COL21A1: variants seen among roughly 807,000 people sequenced by gnomAD.
COL21A1 encodes collagen type XXI alpha 1 chain, also known as collagen alpha-1(XXI) chain.
In COL21A1, 149 loss-of-function variants were observed where a neutral mutation model predicts 137.9. The ratio of observed to expected loss-of-function variants is 1.08; its 90% confidence interval spans 0.95 to 1.24. The LOEUF (loss-of-function observed/expected upper bound fraction) is 1.24. Among genes scored for constraint, COL21A1 ranks in the 50% most tolerant of loss-of-function variants. The pLI, the probability that COL21A1 is intolerant of heterozygous loss-of-function variation, is 0.00. For missense variants in COL21A1, 1,167 were observed against 1,158.4 expected (o/e 1.01, Z -0.11); for synonymous variants, 456 against 391.5 (o/e 1.16, Z -1.95).
At chr6:56,087,037 A>ATC (rs1299539604) in intron 17 of COL21A1, among the ~76,000 whole-genome samples, 1 of 151,570 alleles carries the variant, frequency 6.6e-6, no homozygotes, top group African/African-American at 2.4e-5. Flanking sequence ...CACGATCCAT[A>ATC]TCTTGGGACC....
chr6:56,247,190 G>A, intron 1 of COL21A1, among the ~76,000 whole-genome samples, 197 bp downstream of exon 1: 1 of 152,218 alleles, frequency 6.6e-6, no homozygotes, highest in East Asian at 1.9e-4. Context: ...AAGTAACTTT[G>A]CAAGACAAAT....
chr6:56,137,859 G>T (rs1024992097), intron 12 of COL21A1, among the ~76,000 whole-genome samples: 11 of 152,058 alleles, frequency 7.2e-5, no homozygotes, highest in Admixed American at 7.2e-4. Flanking sequence ...AAAGAAAAAA[G>T]GTTGAAAGAT....
intron 1 of COL21A1, among the ~76,000 whole-genome samples, chr6:56,294,506 A>G (rs1424201340): frequency 2.0e-5 from 3 of 152,052 alleles, no homozygotes; most frequent in Non-Finnish European, 4.4e-5. Context: ...ATACACACAT[A>G]TATTTTCACC....
At chr6:56,166,877 C>G (rs765836124) in intron 7 of COL21A1, 29 bp downstream of exon 7, 1 of 1,558,078 alleles carries the variant, frequency 6.4e-7, no homozygotes, top group Admixed American at 1.7e-5. Flanking sequence ...AAAGCAACAT[C>G]TGGGAAAAAA....
chr6:56,302,286 T>C lies in COL21A1; in HGVS notation c.-39+91685A>G, dbSNP rs1006885214. 5.4e-3 allele frequency among the ~76,000 whole-genome samples: 823 copies of C among 152,210 alleles called. 7 individuals are homozygous for C. Among genetic ancestry groups the C allele is most frequent in the African/African-American group, 0.019 (792 of 41,528 alleles). ...GTCAAATGGTATTTCTAGTTCTAGATCCCTGAGGAATCACCACACTGACTT... is the reference window on the plus strand; with the variant it reads ...GTCAAATGGTATTTCTAGTTCTAGACCCCTGAGGAATCACCACACTGACTT... On this transcript the variant is annotated intron_variant, in intron 1 of 28. Coordinates refer to the COL21A1 transcript ENST00000370819.
chr6:56,280,330 C>T (rs755608061), intron 1 of COL21A1, among the ~76,000 whole-genome samples: 2 of 152,170 alleles, frequency 1.3e-5, no homozygotes, highest in African/African-American at 2.4e-5. Flanking sequence ...GCTTTTATTG[C>T]TCGATTCTGC....
chr6:56,286,725 T>C (rs1763922902), intron 1 of COL21A1, among the ~76,000 whole-genome samples: 1 of 152,182 alleles, frequency 6.6e-6, no homozygotes, highest in African/African-American at 2.4e-5. Context: ...CTGTGGATAA[T>C]AGCCTCTACT....
rs1362507788 is a variant in COL21A1 at position 56,097,938 on chromosome 6, A to T, written c.1812+3534T>A. Among the ~76,000 whole-genome samples, 17 of 85,686 alleles carry T rather than the reference A, an allele frequency of 2.0e-4. 1 individual carries two copies. The highest frequency in any genetic ancestry group is 3.5e-4 in the African/African-American group (7 of 19,754). 56.2% of individuals were successfully genotyped at this position (85,686 alleles called of 152,430 possible). ...ATATATAAATATATAAATATATAAAAATATATATAAATATAAAAATATATA... is the reference window on the plus strand; with the variant it reads ...ATATATAAATATATAAATATATAAATATATATATAAATATAAAAATATATA... On this transcript the variant is annotated intron_variant, in intron 17 of 29. Coordinates refer to ENST00000244728, the MANE Select transcript of COL21A1 (RefSeq NM_030820.4).
chr6:56,103,167 ACTT>A (rs1483901350), intron 16 of COL21A1, among the ~76,000 whole-genome samples: 1 of 152,134 alleles, frequency 6.6e-6, no homozygotes, highest in Non-Finnish European at 1.5e-5. Context: ...TAACATGGGA[ACTT>A]CTTCAGAATA....
intron 1 of COL21A1, among the ~76,000 whole-genome samples, chr6:56,271,008 C>T (rs1024448419): frequency 6.6e-6 from 1 of 152,150 alleles, no homozygotes; most frequent in Non-Finnish European, 1.5e-5. Flanking sequence ...GAGTGGGGCA[C>T]TGCTATAAAG....
chr6:56,129,699 TGAGA>T lies in COL21A1; in HGVS notation c.1543-3554_1543-3551del, dbSNP rs3065909. Among the ~76,000 whole-genome samples, 1,139 of 120,494 alleles carry T rather than the reference TGAGA, an allele frequency of 9.5e-3. 10 individuals are homozygous for T. Among genetic ancestry groups the T allele is most frequent in the African/African-American group, 0.026 (846 of 32,374 alleles). 79.0% of individuals were successfully genotyped at this position (120,494 alleles called of 152,430 possible). On this transcript the variant is annotated intron_variant, in intron 12 of 29. Transcript: ENST00000244728. ...GCGTGTGTGTGTGTGTGTGTGTGTGTGAGAGAGAGAGAGAGAGAGAGAGACAGAC... is the reference window on the plus strand; with the variant it reads ...GCGTGTGTGTGTGTGTGTGTGTGTGTGAGAGAGAGAGAGAGAGAGACAGAC...
At chr6:56,148,760 G>A (rs62413547) in intron 10 of COL21A1, among the ~76,000 whole-genome samples, 23,125 of 151,958 alleles carry the variant, frequency 0.15, 1,795 homozygotes, top group Middle Eastern at 0.22. Context: ...TGTCCACCCC[G>A]TCCTCTTATA....
intron 1 of COL21A1, among the ~76,000 whole-genome samples, chr6:56,366,113 G>A (rs1398936523): frequency 1.3e-5 from 2 of 152,102 alleles, no homozygotes; most frequent in Non-Finnish European, 2.9e-5. Context: ...GGAGTTTACT[G>A]GATTCCTTTT....
intron 1 of COL21A1, among the ~76,000 whole-genome samples, chr6:56,185,942 A>G (rs895666085): frequency 5.3e-5 from 8 of 152,150 alleles, no homozygotes; most frequent in African/African-American, 1.9e-4. Flanking sequence ...ATGAAAATAA[A>G]GGAGAAGTGA....
chr6:56,274,461 GA>G (rs1763595049), intron 1 of COL21A1, among the ~76,000 whole-genome samples: 1 of 152,128 alleles, frequency 6.6e-6, no homozygotes, highest in Non-Finnish European at 1.5e-5. Flanking sequence ...TCTGTACATA[GA>G]AAACTCTAAA....
intron 21 of COL21A1, among the ~76,000 whole-genome samples, chr6:56,069,775 T>A (rs1401638503): frequency 1.3e-5 from 2 of 151,066 alleles, no homozygotes; most frequent in Non-Finnish European, 1.5e-5. Flanking sequence ...ATCAACTGTA[T>A]TTTATTTAAT....
intron 1 of COL21A1, among the ~76,000 whole-genome samples, chr6:56,305,491 C>T (rs936040952): frequency 5.3e-5 from 8 of 152,086 alleles, no homozygotes; most frequent in African/African-American, 1.4e-4. Context: ...TATGTAATGG[C>T]CTTCTTTATC....
chr6:56,279,814 T>C (rs1488896319), intron 1 of COL21A1, among the ~76,000 whole-genome samples: 1 of 152,198 alleles, frequency 6.6e-6, no homozygotes, highest in Non-Finnish European at 1.5e-5. Context: ...GCTTTGCATC[T>C]TGACTATGTG....
At chr6:56,356,024 T>G (rs1006184479) in intron 1 of COL21A1, among the ~76,000 whole-genome samples, 1 of 152,234 alleles carries the variant, frequency 6.6e-6, no homozygotes, top group Non-Finnish European at 1.5e-5. Flanking sequence ...GCTGGGTTTT[T>G]CAATATTTCC....
Sources: allele counts gnomAD v4.1 joint callset (sites outside exome capture counted in the v4.1 genomes callset), GRCh38; gene constraint gnomAD v4.1.1; transcripts MANE v1.5; gene names NCBI Gene and HGNC (gene_info 2026-07-23, HGNC 2026-07-21).